USP24: variants seen among roughly 807,000 people sequenced by gnomAD.
USP24 encodes ubiquitin specific peptidase 24.
USP24 carries 97 observed loss-of-function variants against 361.6 expected under a neutral mutation model. That is an observed-to-expected ratio of 0.27 (90% confidence interval 0.23 to 0.32). The LOEUF (loss-of-function observed/expected upper bound fraction) is 0.32. USP24 is among the 10% of genes least tolerant of loss of function. USP24 has a pLI of 1.00. For missense variants in USP24, 2,353 were observed against 3,165.6 expected (o/e 0.74, Z 6.16); for synonymous variants, 1,098 against 1,124.6 (o/e 0.98, Z 0.47).
intron 64 of USP24, among the ~76,000 whole-genome samples, chr1:55,073,264 A>G (rs1351243472): frequency 6.6e-6 from 1 of 152,232 alleles, no homozygotes; most frequent in Non-Finnish European, 1.5e-5. Context: ...TTCATTTTGC[A>G]GTCAATCAGC....
intron 26 of USP24, 21 bp from the exon 27 acceptor site, chr1:55,137,925 CGTT>C (rs1557619476): frequency 2.6e-6 from 4 of 1,552,240 alleles, no homozygotes; most frequent in Non-Finnish European, 3.5e-6. Flanking sequence ...AAATTAAACA[CGTT>C]GTGAGAGAAT....
intron 67 of USP24, 98 bp downstream of exon 67, chr1:55,071,716 G>C: frequency 7.9e-7 from 1 of 1,270,798 alleles, no homozygotes. Flanking sequence ...TCACATTCCA[G>C]AGGAAGCATC....
At chr1:55,203,905 T>A (rs1461351684) in intron 1 of USP24, among the ~76,000 whole-genome samples, 1 of 152,198 alleles carries the variant, frequency 6.6e-6, no homozygotes, top group African/African-American at 2.4e-5. Context: ...ATTAAATACA[T>A]TACATACATA....
chr1:55,100,830 G>T lies in USP24; in HGVS notation c.5271+9C>A. 6.2e-7 allele frequency: 1 copy of T among 1,602,922 alleles called. No individual in the cohort carries two copies. Among genetic ancestry groups the T allele is most frequent in the Non-Finnish European group, 8.5e-7 (1 of 1,175,986 alleles). On this transcript the variant is annotated intron_variant, in intron 44 of 67. Coordinates refer to ENST00000294383, the MANE Select transcript of USP24 (RefSeq NM_015306.3). ...ATCTTTAAATCTCAAGAGTTACTGG[G>T]TGAAATACCTTCCAAAAATTCTCAG... is the stretch of plus-strand genomic sequence containing the variant.
chr1:55,141,547 T>TA, intron 24 of USP24, 69 bp downstream of exon 24: 1 of 1,374,832 alleles, frequency 7.3e-7, no homozygotes, highest in Non-Finnish European at 1.0e-6. Flanking sequence ...GAAACCTACA[T>TA]AAAAAACACC....
At chr1:55,096,056 A>C (rs75795059) in intron 50 of USP24, among the ~76,000 whole-genome samples, 1 of 152,208 alleles carries the variant, frequency 6.6e-6, no homozygotes, top group African/African-American at 2.4e-5. Flanking sequence ...AGAGGGAAAG[A>C]CTGCTTTGCC....
intron 8 of USP24, among the ~76,000 whole-genome samples, chr1:55,160,657 C>T (rs1648181904): frequency 6.6e-6 from 1 of 152,114 alleles, no homozygotes; most frequent in South Asian, 2.1e-4. Context: ...GTCAGATGTG[C>T]TTGGTTGGGA....
In USP24 at chr1:55,067,236, CCACA is replaced by C. The variant is rs901828018; in HGVS notation, c.*1805_*1808del. On this transcript the variant is annotated 3_prime_UTR_variant, in exon 68 of 68. Transcript: ENST00000294383. ...ATCGCCAGCATTTCAAGGTCATGTCCCACACAATCTCTTGGTGAGGATGTGGGCG... is the reference window on the plus strand; with the variant it reads ...ATCGCCAGCATTTCAAGGTCATGTCCCAATCTCTTGGTGAGGATGTGGGCG... 42 of 151,832 alleles carry C rather than the reference CCACA, an allele frequency of 2.8e-4. No individual in the cohort carries two copies. Among genetic ancestry groups the C allele is most frequent in the African/African-American group, 9.7e-4 (40 of 41,302 alleles). 9.4% of individuals were successfully genotyped at this position (151,832 alleles called of 1,614,324 possible).
rs758649995 is a variant in USP24 at position 55,158,976 on chromosome 1, G to C, written c.1129C>G (p.Pro377Ala). The change falls in exon 10 of 68, where the codon CCG becomes GCG. Residue 377 changes from proline (P) to alanine (A), a missense_variant. This residue lies in a region of USP24 where 386 missense variants were observed against 560.5 expected (regional missense o/e 0.69). Coordinates refer to ENST00000294383, the MANE Select transcript of USP24 (RefSeq NM_015306.3). ...TCATCCACAATTGTCACCAGATCCG[G>C]TTGGAAGCGCATGCAAAGTAACTTA... Reference protein sequence around the residue: ...AVKLLCMRFQPDLVTIVDDLR... With the variant: ...AVKLLCMRFQADLVTIVDDLR... 8.8e-6 allele frequency: 14 copies of C among 1,595,036 alleles called. No individual in the cohort carries two copies. The East Asian group carries it at 2.5e-4, about 28-fold the overall frequency.
chr1:55,138,568 G>A (rs755950898), intron 26 of USP24, 40 bp downstream of exon 26: 9 of 1,418,474 alleles, frequency 6.3e-6, no homozygotes, highest in Non-Finnish European at 8.8e-6. Context: ...AAAATAATAA[G>A]ACAACATGAA....
chr1:55,171,918 A>T (rs746899852), intron 4 of USP24, among the ~76,000 whole-genome samples: 5 of 152,106 alleles, frequency 3.3e-5, no homozygotes, highest in Non-Finnish European at 7.4e-5. Flanking sequence ...AAGAGGTCTG[A>T]CTCAAGGCAG....
intron 38 of USP24, among the ~76,000 whole-genome samples, chr1:55,113,464 C>A (rs1269390910): frequency 1.3e-5 from 2 of 152,200 alleles, no homozygotes; most frequent in Non-Finnish European, 2.9e-5. Context: ...CAAAGAGGAG[C>A]TGGTACCATT....
chr1:55,166,459 T>C, intron 6 of USP24, 109 bp downstream of exon 6: 1 of 1,044,126 alleles, frequency 9.6e-7, no homozygotes, highest in Non-Finnish European at 1.4e-6. Context: ...TTAAAGCATT[T>C]TTTTTATTAT....
In USP24 at chr1:55,183,104, C is replaced by T. The variant is rs530225092; in HGVS notation, c.325-4972G>A. On this transcript the variant is annotated intron_variant, in intron 1 of 67. Transcript: ENST00000294383. ...CAAGTACACTAGACAAATACGACAA[C>T]CAAAAACAACATGGTATCCTGGACT... 2.6e-5 allele frequency among the ~76,000 whole-genome samples: 4 copies of T among 152,242 alleles called. No homozygotes were observed. In the South Asian group the frequency reaches 8.3e-4, roughly 32 times the overall value.
rs775789068 is a variant in USP24 at position 55,141,637 on chromosome 1, G to C, written c.2729C>G (p.Thr910Ser). ...TTACCTATAAGGAGACTGAACTGAG[G>C]TTGCTACAGTTGGCATGGCAGTTGC... ...LTATAMPTVATSVQSPYRSTK... is the reference protein window; with the variant it reads ...LTATAMPTVASSVQSPYRSTK... Residue 910 changes from threonine to serine, a missense_variant, in exon 24 of 68, where the codon ACC (threonine) becomes AGC (serine). Transcript: ENST00000294383. 3.7e-6 allele frequency: 6 copies of C among 1,611,954 alleles called. No individual in the cohort carries two copies. The highest frequency in any genetic ancestry group is 5.1e-6 in the Non-Finnish European group (6 of 1,178,956).
intron 4 of USP24, among the ~76,000 whole-genome samples, 187 bp downstream of exon 4, chr1:55,172,190 A>C (rs533731842): frequency 6.6e-6 from 1 of 152,326 alleles, no homozygotes; most frequent in African/African-American, 2.4e-5. Flanking sequence ...TAAAATTAGA[A>C]AAGCACTTCT....
chr1:55,079,796 G>A (rs200700014), intron 59 of USP24, 137 bp from the exon 60 acceptor site: 4 of 1,169,698 alleles, frequency 3.4e-6, no homozygotes, highest in South Asian at 1.9e-5. Flanking sequence ...CACACACTGA[G>A]TACTCACACA....
At position 55,069,098 on chromosome 1, in the gene USP24, A is replaced by T. The variant is rs1215926553; in HGVS notation, c.7810T>A (p.Ser2604Thr). The change falls in exon 68 of 68, where the codon TCT becomes ACT. Residue 2604 changes from serine to threonine, a missense_variant. Transcript: ENST00000294383. The stretch of plus-strand genomic sequence containing the variant: ...CTCAACTCACCAATCATCATGGGAG[A>T]TTCTGAACCCTGCAGAAAAGAAAAG... ...GDRHLQQGSE[S>T]PMMIGELRSD... 6.2e-7 allele frequency: 1 copy of T among 1,614,022 alleles called. No homozygotes were observed. The highest frequency in any genetic ancestry group is 2.2e-5 in the East Asian group (1 of 44,890).
chr1:55,119,011 T>C (rs1329391159), intron 38 of USP24, among the ~76,000 whole-genome samples: 1 of 152,210 alleles, frequency 6.6e-6, no homozygotes, highest in Admixed American at 6.5e-5. Flanking sequence ...AACAGTATGG[T>C]GGTTCCACAA....
Sources: gnomAD v4.1 joint callset for allele counts (sites outside exome capture counted in the v4.1 genomes callset) on GRCh38, gnomAD v4.1.1 for gene constraint, gnomAD v4.1.1 regional missense constraint, MANE v1.5 for transcripts, NCBI Gene and HGNC (gene_info 2026-07-23, HGNC 2026-07-21) for gene names.